WDR11: variants seen among roughly 807,000 people sequenced by gnomAD.
WDR11 encodes the protein WD repeat domain 11.
A neutral mutation model predicts 151.2 loss-of-function variants in WDR11; 83 were observed. That is an observed-to-expected ratio of 0.55 (90% CI 0.46 to 0.66). The LOEUF is 0.66. Among genes scored for constraint, WDR11 ranks in the 30% least tolerant of loss-of-function variants. WDR11 has a pLI of 0.00. For missense variants in WDR11, 1,301 were observed against 1,480.9 expected, an observed-to-expected ratio of 0.88 and a Z score of 1.99; for synonymous variants, 484 against 533.1, an observed-to-expected ratio of 0.91 and a Z score of 1.27.
intron 19 of WDR11, chr10:120,899,789 A>G (rs1847746498): frequency 3.7e-6 from 2 of 541,468 alleles, no homozygotes; most frequent in Non-Finnish European, 6.6e-6. Context: ...TCTCAAAAAA[A>G]AAATAAAATA....
chr10:120,851,710 A>G lies in WDR11; in HGVS notation c.86+204A>G, dbSNP rs1845781062. ...CCCGTGTGGGAAATTCCCCCATGCA[A>G]ATACATTTCCCCTCTTTCTCGCGTA... On this transcript the variant is annotated intron_variant, in intron 1 of 28. Transcript: ENST00000263461. The G allele has an allele frequency of 4.7e-6, 3 of 632,242 alleles. No individual in the cohort carries two copies. The East Asian group carries it at 8.3e-5, about 17-fold the overall frequency. The allele number at this position is 632,242 out of a possible 1,614,324, so 39.2% of individuals were successfully genotyped here.
Position 120,909,389 on chromosome 10 carries a change from T to TGAA in WDR11, c.*678_*680dup, listed in dbSNP as rs778403304. The TGAA allele has an allele frequency of 6.5e-6, 1 of 152,932 alleles. No homozygotes were observed. The highest frequency in any genetic ancestry group is 1.5e-5 in the Non-Finnish European group (1 of 68,252). 9.5% of individuals were successfully genotyped at this position (152,932 alleles called of 1,614,324 possible). ...TGATACATCACAGTAACCTCATTTT[T>TGAA]GAAGTCTTTCTTTGTACTTTAATGT... On this transcript the variant is annotated 3_prime_UTR_variant, in exon 29 of 29. Transcript: ENST00000263461.
At position 120,862,724 on chromosome 10, in the gene WDR11, T is replaced by A. The variant is rs1448617361; in HGVS notation, c.527-11T>A. ...TAAACTTTAATCAGAGTTTTGCTTT[T>A]CTCAATATAGTGCTTACCAGCGAGG... is the stretch of plus-strand genomic sequence containing the variant. On this transcript the variant is annotated splice_polypyrimidine_tract_variant and intron_variant, in intron 4 of 28. Coordinates refer to ENST00000263461, the MANE Select transcript of WDR11 (RefSeq NM_018117.12). The A allele has an allele frequency of 6.2e-7, 1 of 1,614,098 alleles. No homozygotes were observed.
chr10:120,877,513 GGA>G (rs1347217073), intron 11 of WDR11, among the ~76,000 whole-genome samples: 2 of 152,120 alleles, frequency 1.3e-5, no homozygotes, highest in African/African-American at 4.8e-5. Context: ...CAGCCATTTG[GGA>G]GCCTGAGGTG....
At position 120,866,553 on chromosome 10, in the gene WDR11, A is replaced by G. The variant is rs565787965; in HGVS notation, c.995-16A>G. On this transcript the variant is annotated splice_polypyrimidine_tract_variant and intron_variant, in intron 7 of 28. Coordinates refer to ENST00000263461, the MANE Select transcript of WDR11 (RefSeq NM_018117.12). ...ATATGGCTGCTTTCTGATATTTAAA[A>G]CAATTTTATGTGAAGATCCAGATCC... 1.2e-6 allele frequency: 2 copies of G among 1,614,140 alleles called. No homozygotes were observed. Among genetic ancestry groups the G allele is most frequent in the East Asian group, 4.5e-5 (2 of 44,884 alleles).
chr10:120,880,778 A>T (rs1424438445), intron 12 of WDR11, 48 bp from the exon 13 acceptor site: 1 of 1,506,960 alleles, frequency 6.6e-7, no homozygotes, highest in Non-Finnish European at 9.1e-7. Context: ...TGTTTTTCAT[A>T]CATGTTTTAT....
At chr10:120,869,607 T>G (rs1002187801) in intron 9 of WDR11, among the ~76,000 whole-genome samples, 5 of 152,164 alleles carry the variant, frequency 3.3e-5, no homozygotes, top group Admixed American at 1.3e-4. Context: ...AGAGGCTGAT[T>G]TATATTCACT....
At chr10:120,862,528 G>A in intron 4 of WDR11, 1 of 556,626 alleles carries the variant, frequency 1.8e-6, no homozygotes, top group Non-Finnish European at 3.2e-6. Context: ...AATATAGAAT[G>A]CCAAGCTTGG....
rs11199612 is a variant in WDR11, at chr10:120,871,593, C to T, written c.1471+247C>T. Among the ~76,000 whole-genome samples the T allele has an allele frequency of 0.013, 1,996 of 152,246 alleles. 17 individuals carry two copies. Among genetic ancestry groups the T allele is most frequent in the Non-Finnish European group, 0.018 (1,253 of 68,014 alleles). On this transcript the variant is annotated intron_variant, in intron 10 of 28. Transcript: ENST00000263461. ...TGAGACTGGACAGTCGAGTCTCTGA[C>T]GCTGTCCATTCATCTCGGAAATACC...
At chr10:120,881,540 T>C (rs1467070111) in intron 13 of WDR11, among the ~76,000 whole-genome samples, 2 of 152,194 alleles carry the variant, frequency 1.3e-5, no homozygotes, top group African/African-American at 4.8e-5. Flanking sequence ...TCTCCACTTA[T>C]TTAGGTCTTT....
In WDR11 at chr10:120,906,786, T is replaced by G. The variant is rs1348876482; in HGVS notation, c.3448T>G (p.Phe1150Val). The G allele has an allele frequency of 2.5e-6, 4 of 1,614,074 alleles. No homozygotes were observed. The highest frequency in any genetic ancestry group is 1.3e-5 in the African/African-American group (1 of 74,934). ...VAETLHSMRY[F>V]DRAALFVEAC... ...TGTTCTGTTGAGCAGCATGAGATAC[T>G]TTGATAGAGCAGCCTTATTTGTGGA... is the stretch of plus-strand genomic sequence containing the variant. The change falls in exon 28 of 29, where the codon TTT becomes GTT. Residue 1150 changes from phenylalanine to valine, a missense_variant. By Grantham distance (50) the Phe-to-Val change is conservative (BLOSUM62 -1). Around this residue, in one of 3 missense-constraint regions of WDR11, gnomAD observed 589 missense variants for 670.6 expected, o/e 0.88. Transcript: ENST00000263461.
intron 9 of WDR11, among the ~76,000 whole-genome samples, chr10:120,869,355 C>T (rs1001013672): frequency 1.1e-4 from 16 of 151,904 alleles, no homozygotes; most frequent in South Asian, 2.1e-4. Flanking sequence ...CCTCGTGATC[C>T]GCCCGCCTCG....
At chr10:120,889,566 A>T (rs1258831621) in intron 17 of WDR11, 2 of 420,874 alleles carry the variant, frequency 4.8e-6, no homozygotes, top group Non-Finnish European at 8.8e-6. Context: ...ATATGGTTCC[A>T]TTAGAGGCTT....
At chr10:120,902,441 A>G (rs530568714) in intron 22 of WDR11, 119 bp downstream of exon 22, 1 of 833,828 alleles carries the variant, frequency 1.2e-6, no homozygotes, top group Admixed American at 2.4e-5. Flanking sequence ...CATCCTTTAG[A>G]TTTAACTTAA....
chr10:120,857,176 A>G (rs1845977042), intron 2 of WDR11, among the ~76,000 whole-genome samples: 1 of 152,208 alleles, frequency 6.6e-6, no homozygotes, highest in Non-Finnish European at 1.5e-5. Context: ...TAAACAGTGA[A>G]GTCACCAGCA....
chr10:120,860,272 A>C lies in WDR11; in HGVS notation c.516A>C (p.Ser172=). The C allele has an allele frequency of 6.2e-7, 1 of 1,613,766 alleles. No homozygotes were observed. The highest frequency in any genetic ancestry group is 1.1e-5 in the South Asian group (1 of 91,078). ...TTTCTTTTGACCCTTTTGATCCCTC[A>C]CATTTAACTTGTGAGTAACAGTTGC... ...LSFSFDPFDP[S]HLTLLTSEGI... Residue 172 remains serine (S), a synonymous_variant, in exon 4 of 29, where the codon TCA becomes TCC. Coordinates refer to ENST00000263461, the MANE Select transcript of WDR11 (RefSeq NM_018117.12).
At chr10:120,897,622 C>CT (rs1847659699) in intron 19 of WDR11, among the ~76,000 whole-genome samples, 3 of 152,046 alleles carry the variant, frequency 2.0e-5, no homozygotes, top group African/African-American at 7.2e-5. Context: ...AGAAAACAGA[C>CT]AAGTTAGAAC....
At chr10:120,903,604 C>T (rs1847922568) in intron 23 of WDR11, among the ~76,000 whole-genome samples, 1 of 151,570 alleles carries the variant, frequency 6.6e-6, no homozygotes, top group African/African-American at 2.4e-5. Flanking sequence ...TAGACAGTTA[C>T]TGCGTTGTTT....
At chr10:120,854,631 A>C (rs1394897319) in intron 2 of WDR11, among the ~76,000 whole-genome samples, 2 of 152,084 alleles carry the variant, frequency 1.3e-5, no homozygotes, top group Admixed American at 6.5e-5. Context: ...GAGGAGTCTA[A>C]TTTGTCCAAA....
Sources: gnomAD v4.1 joint callset for allele counts (sites outside exome capture counted in the v4.1 genomes callset) on GRCh38, gnomAD v4.1.1 for gene constraint, gnomAD v4.1.1 regional missense constraint, MANE v1.5 for transcripts, NCBI Gene and HGNC (gene_info 2026-07-23, HGNC 2026-07-21) for gene names.